IQSEC1: variants seen among roughly 807,000 people sequenced by gnomAD.
IQSEC1 encodes the protein IQ motif and SEC7 domain-containing protein 1.
In IQSEC1, 31 loss-of-function variants were observed where a neutral mutation model predicts 91.0. The ratio of observed to expected loss-of-function variants is 0.34; its 90% CI spans 0.26 to 0.46. The LOEUF (loss-of-function observed/expected upper bound fraction) is 0.46. Ranked by LOEUF, IQSEC1 falls within the 20% of genes least tolerant of loss-of-function variation. The pLI is 1.00. For missense variants in IQSEC1, 1,388 were observed against 1,575.6 expected (o/e 0.88, Z 2.02); for synonymous variants, 699 against 662.6 (o/e 1.05, Z -0.84).
At position 13,103,937 on chromosome 3, in the gene IQSEC1, G is replaced by A. The variant is rs554001336; in HGVS notation, c.303-56415C>T. Among the ~76,000 whole-genome samples the A allele has an allele frequency of 2.0e-5, 3 of 152,128 alleles. No homozygotes were observed. The highest frequency in any genetic ancestry group is 4.4e-5 in the Non-Finnish European group (3 of 68,018). ...GGTATTCTTCTATTTAATCTTCACGGCACTCCCTGAGGTGGGTGCTACTAG... is the reference window on the plus strand; with the variant it reads ...GGTATTCTTCTATTTAATCTTCACGACACTCCCTGAGGTGGGTGCTACTAG... On this transcript the variant is annotated intron_variant, in intron 2 of 15. Transcript: ENST00000648114. This position sits in a 1 kb window ranked among gnomAD's most constrained non-coding sequence, Gnocchi z 4.1.
At chr3:13,257,494 G>A (rs71306051) in intron 1 of IQSEC1, among the ~76,000 whole-genome samples, 5,236 of 152,202 alleles carry the variant, frequency 0.034, 121 homozygotes, top group South Asian at 0.093. Flanking sequence ...GACTAACCCT[G>A]GCTGGTGCTC....
chr3:13,052,970 T>C (rs1704743370), intron 1 of IQSEC1: 7 of 1,163,538 alleles, frequency 6.0e-6, no homozygotes, highest in South Asian at 1.2e-5. Context: ...CAATTCTTTA[T>C]AGACCCAGCT....
chr3:13,124,516 A>G (rs1327114981), intron 2 of IQSEC1, among the ~76,000 whole-genome samples: 1 of 152,174 alleles, frequency 6.6e-6, no homozygotes, highest in Non-Finnish European at 1.5e-5. Flanking sequence ...ATAACAGAAA[A>G]CAGAGACCGA....
rs997995708 is a variant in IQSEC1, at chr3:13,282,432, C to T, written c.272+279G>A. Among the ~76,000 whole-genome samples, 1 of 152,140 alleles carries T rather than the reference C, an allele frequency of 6.6e-6. No individual in the cohort carries two copies. Among genetic ancestry groups the T allele is most frequent in the Non-Finnish European group, 1.5e-5 (1 of 67,998 alleles). The stretch of plus-strand genomic sequence containing the variant: ...GGGGTCGCCAACCCTGAGTCCGCGC[C>T]GCAGCGCAGAGCCAGGCCGGCGGGA... On this transcript the variant is annotated intron_variant, in intron 1 of 15. Coordinates refer to the IQSEC1 transcript ENST00000648114. The surrounding 1 kb of genome is among the most constrained non-coding windows in gnomAD (Gnocchi z 6.4).
intron 1 of IQSEC1, chr3:13,053,075 T>C (rs1576218130): frequency 1.9e-6 from 2 of 1,063,338 alleles, no homozygotes; most frequent in East Asian, 4.7e-5. Flanking sequence ...TTTGCTTTAT[T>C]TTCTTGGCCA....
chr3:13,021,269 G>A (rs539950541), intron 1 of IQSEC1, among the ~76,000 whole-genome samples: 4 of 152,126 alleles, frequency 2.6e-5, no homozygotes, highest in Admixed American at 6.5e-5. Flanking sequence ...AGGCCGCAGC[G>A]ATCACAGATG....
intron 2 of IQSEC1, among the ~76,000 whole-genome samples, chr3:13,108,594 G>C (rs1706192058): frequency 6.6e-6 from 1 of 151,994 alleles, no homozygotes; most frequent in Non-Finnish European, 1.5e-5. Flanking sequence ...TTGTGAGCTA[G>C]ACTTGGTGGG....
At chr3:13,272,288 T>C (rs1695601755) in intron 1 of IQSEC1, among the ~76,000 whole-genome samples, 1 of 152,236 alleles carries the variant, frequency 6.6e-6, no homozygotes, top group Non-Finnish European at 1.5e-5. Context: ...GTGCTTACAA[T>C]AAATAGCCAG....
intron 1 of IQSEC1, among the ~76,000 whole-genome samples, chr3:13,042,685 G>T (rs1023459565): frequency 6.6e-6 from 1 of 152,196 alleles, no homozygotes; most frequent in Non-Finnish European, 1.5e-5. Context: ...GCTGTATCAA[G>T]TTGTGGGGGC....
rs1376556170 is a variant in IQSEC1 at position 13,073,158 on chromosome 3, G to C, written c.-144C>G. 6.0e-5 allele frequency: 59 copies of C among 980,468 alleles called. 1 individual carries two copies. The highest frequency in any genetic ancestry group is 2.0e-5 in the Non-Finnish European group (13 of 650,310). The allele number at this position is 980,468 out of a possible 1,614,324, so 60.7% of individuals were successfully genotyped here. A position where few individuals can be genotyped will look rare whatever the true frequency, so the allele number is the denominator to read the frequency against. ...GGCGAGTCACATTCCCGGGGGTGGC[G>C]GGCTCCTCCAGGGAGGCTGGGGCGG... On this transcript the variant is annotated 5_prime_UTR_variant, in exon 1 of 14. Coordinates refer to ENST00000613206, the MANE Select transcript of IQSEC1 (RefSeq NM_001134382.3).
chr3:13,154,143 C>T (rs1368155770), intron 2 of IQSEC1, among the ~76,000 whole-genome samples: 1 of 151,862 alleles, frequency 6.6e-6, no homozygotes, highest in African/African-American at 2.4e-5. Flanking sequence ...CCACCCTGTC[C>T]CCAGCCCACT....
chr3:13,259,873 TAC>T lies in IQSEC1; in HGVS notation c.272+22836_272+22837del, dbSNP rs1222290828. Among the ~76,000 whole-genome samples, 1 of 152,268 alleles carries T rather than the reference TAC, an allele frequency of 6.6e-6. No individual in the cohort carries two copies. The highest frequency in any genetic ancestry group is 1.5e-5 in the Non-Finnish European group (1 of 68,050). On this transcript the variant is annotated intron_variant, in intron 1 of 15. Coordinates refer to the IQSEC1 transcript ENST00000648114. The surrounding 1 kb of genome is among the most constrained non-coding windows in gnomAD (Gnocchi z 4.6). ...CTCAGCGGGAGAAGTTTCTACCATA[TAC>T]AGTTATTAATGACTTTATTTATATA...
chr3:13,022,527 G>A (rs142991487), intron 1 of IQSEC1: 23 of 915,524 alleles, frequency 2.5e-5, no homozygotes, highest in African/African-American at 1.4e-4. Flanking sequence ...CTCAGCTGCC[G>A]GAGCCCAGGG....
Position 13,259,365 on chromosome 3 carries a change from G to C in IQSEC1, c.272+23346C>G, listed in dbSNP as rs1695343467. Among the ~76,000 whole-genome samples, 1 of 152,196 alleles carries C rather than the reference G, an allele frequency of 6.6e-6. No individual in the cohort carries two copies. Among genetic ancestry groups the C allele is most frequent in the African/African-American group, 2.4e-5 (1 of 41,446 alleles). ...CCAAGGCACAGCCCGAGGTCACCAA[G>C]CCTGTGAGCAGCGTCAGGGGAACTG... On this transcript the variant is annotated intron_variant, in intron 1 of 15. Coordinates refer to the IQSEC1 transcript ENST00000648114. This position sits in a 1 kb window ranked among gnomAD's most constrained non-coding sequence, Gnocchi z 4.6.
At chr3:13,038,619 A>G (rs1704135361) in intron 1 of IQSEC1, among the ~76,000 whole-genome samples, 2 of 152,052 alleles carry the variant, frequency 1.3e-5, no homozygotes, top group Admixed American at 6.6e-5. Context: ...GCCAATAATA[A>G]CTGATTTGTA....
chr3:13,140,802 G>A (rs567475156), intron 2 of IQSEC1, among the ~76,000 whole-genome samples: 9 of 152,158 alleles, frequency 5.9e-5, no homozygotes, highest in East Asian at 1.9e-4. Context: ...GCTCTGTTCC[G>A]CATCCCACCC....
intron 1 of IQSEC1, among the ~76,000 whole-genome samples, chr3:13,005,615 A>G (rs1448085256): frequency 6.6e-6 from 1 of 152,220 alleles, no homozygotes; most frequent in Non-Finnish European, 1.5e-5. Flanking sequence ...CTGTGTGGCC[A>G]CTGAGCACTC....
chr3:12,936,215 G>C lies in IQSEC1; in HGVS notation c.801C>G (p.Pro267=). ...LDAARARDTE[P]QTALHGMDHR... ...GGTCCATGCCGTGCAGGGCTGTCTG[G>C]GGTTCGGTGTCCCGGGCCCGCGCCG... The change falls in exon 3 of 14, where the codon CCC becomes CCG. Residue 267 remains proline (P), a synonymous_variant. Coordinates refer to ENST00000613206, the MANE Select transcript of IQSEC1 (RefSeq NM_001134382.3). 1.2e-6 allele frequency: 2 copies of C among 1,613,132 alleles called. No homozygotes were observed. The highest frequency in any genetic ancestry group is 1.7e-6 in the Non-Finnish European group (2 of 1,179,984).
intron 2 of IQSEC1, among the ~76,000 whole-genome samples, chr3:13,124,426 C>A (rs1166114572): frequency 6.6e-6 from 1 of 152,166 alleles, no homozygotes; most frequent in African/African-American, 2.4e-5. Context: ...AGATCACATC[C>A]AGTGATTGCT....
Sources: gnomAD v4.1 joint callset for allele counts (sites outside exome capture counted in the v4.1 genomes callset) on GRCh38, gnomAD v4.1.1 for gene constraint, Gnocchi (gnomAD v3.1) non-coding constraint, MANE v1.5 for transcripts, NCBI Gene and HGNC (gene_info 2026-07-23, HGNC 2026-07-21) for gene names.